The following ZNF723 variants were observed in gnomAD, a reference collection of about 807,000 sequenced individuals.
ZNF723 encodes zinc finger protein 723, also known as zinc finger protein 723, pseudogene.
A neutral mutation model predicts 9.4 loss-of-function variants in ZNF723; 5 were observed. The observed-to-expected ratio is 0.53, with a 90% confidence interval of 0.28 to 1.12. The LOEUF is 1.12. Among genes scored for constraint, ZNF723 ranks in the 50% most tolerant of loss-of-function variants. ZNF723 has a pLI of 0.10. For missense variants in ZNF723, 450 were observed against 501.5 expected (o/e 0.90, Z 0.98); for synonymous variants, 158 against 168.8 (o/e 0.94, Z 0.49).
chr19:22,825,347 ACT>A, the ZNF723 span, among the ~76,000 whole-genome samples: 3 of 152,002 alleles, frequency 2.0e-5, no homozygotes, highest in African/African-American at 7.2e-5. Context: ...GGAGATGTTG[ACT>A]CTCATAACTA....
chr19:22,857,093 A>G, intron 3 of ZNF723, 25 bp from the exon 4 acceptor site: 1 of 784,446 alleles, frequency 1.3e-6, no homozygotes, highest in South Asian at 2.3e-5. Flanking sequence ...AAGATGAAGT[A>G]ATTTGTTATT....
chr19:22,825,665 T>C, the ZNF723 span, among the ~76,000 whole-genome samples: 1 of 152,164 alleles, frequency 6.6e-6, no homozygotes, highest in Non-Finnish European at 1.5e-5. Flanking sequence ...AACACCTAGG[T>C]GATATGACTC....
intron 1 of ZNF723, among the ~76,000 whole-genome samples, chr19:22,835,679 A>G (rs1967156916): frequency 6.6e-6 from 1 of 152,178 alleles, no homozygotes; most frequent in Non-Finnish European, 1.5e-5. Flanking sequence ...GGCTGTAGAA[A>G]ATAAATACAT....
intron 1 of ZNF723, among the ~76,000 whole-genome samples, chr19:22,846,233 G>T (rs1209106894): frequency 3.3e-5 from 5 of 152,104 alleles, no homozygotes; most frequent in African/African-American, 2.4e-5. Context: ...GGGAAAAGCT[G>T]GTATCCTTAG....
At chr19:22,818,696 G>C in the ZNF723 span, among the ~76,000 whole-genome samples, 1 of 152,170 alleles carries the variant, frequency 6.6e-6, no homozygotes, top group Admixed American at 6.6e-5. Flanking sequence ...TTACTTTCCT[G>C]TATGACCCAA....
upstream of ZNF723, among the ~76,000 whole-genome samples, chr19:22,828,900 C>T (rs1359692666): frequency 1.3e-5 from 2 of 152,042 alleles, no homozygotes; most frequent in Non-Finnish European, 2.9e-5. Flanking sequence ...AGGCCAGACA[C>T]GGTGGCTCAC....
the ZNF723 span, among the ~76,000 whole-genome samples, chr19:22,820,438 C>G: frequency 4.5e-4 from 69 of 152,288 alleles, 1 homozygote; most frequent in Non-Finnish European, 8.1e-4. Flanking sequence ...TGTGACTCTT[C>G]TTCCGGGTCC....
At chr19:22,815,532 C>T in the ZNF723 span, among the ~76,000 whole-genome samples, 1 of 152,086 alleles carries the variant, frequency 6.6e-6, no homozygotes, top group Non-Finnish European at 1.5e-5. Flanking sequence ...TGGTTTCTGC[C>T]CTCAGGGAAG....
intron 3 of ZNF723, among the ~76,000 whole-genome samples, chr19:22,853,128 A>C (rs997365987): frequency 6.6e-6 from 1 of 152,100 alleles, no homozygotes; most frequent in African/African-American, 2.4e-5. Context: ...TTATATAACT[A>C]TATATATGAC....
Position 22,857,388 on chromosome 19 carries a change from G to C in ZNF723, c.497G>C (p.Arg166Thr). 2 of 837,910 alleles carry C rather than the reference G, an allele frequency of 2.4e-6. No homozygotes were observed. The highest frequency in any genetic ancestry group is 2.7e-5 in the South Asian group (2 of 74,026). The allele number at this position is 837,910 out of a possible 1,614,324, so 51.9% of individuals were successfully genotyped here. ...TCAAGTTCAAATAGCCAGAAGATAA[G>C]ACATACTGGAAATAATTCTTTCAAA... The part of the protein sequence containing the change: ...KFSSSNSQKI[R>T]HTGNNSFKCK... Residue 166 changes from arginine to threonine, a missense_variant, in exon 4 of 4, where the codon AGA (arginine) becomes ACA (threonine). Arg to Thr is a moderately conservative substitution (Grantham distance 71). This residue lies in a region of ZNF723 where 143 missense variants were observed against 101.3 expected (regional missense o/e 1.41). Transcript: ENST00000600766.
intron 1 of ZNF723, among the ~76,000 whole-genome samples, chr19:22,836,010 CTG>C (rs144189897): frequency 6.6e-6 from 1 of 152,180 alleles, no homozygotes; most frequent in East Asian, 1.9e-4. Flanking sequence ...CATATGAACA[CTG>C]TGTTTCAGTA....
intron 1 of ZNF723, among the ~76,000 whole-genome samples, chr19:22,837,157 G>C (rs748617264): frequency 1.3e-5 from 2 of 152,076 alleles, no homozygotes; most frequent in South Asian, 4.2e-4. Context: ...GCTGGGCGTG[G>C]TGGTGTGTGG....
rs1284329824 is a variant in ZNF723 at position 22,835,524 on chromosome 19, GTT to G, written c.3+3144_3+3145del. 5.9e-5 allele frequency among the ~76,000 whole-genome samples: 9 copies of G among 151,958 alleles called. No homozygotes were observed. In the South Asian group the frequency reaches 1.9e-3, roughly 32 times the overall value. On this transcript the variant is annotated intron_variant, in intron 1 of 3. Coordinates refer to ENST00000600766, the MANE Select transcript of ZNF723 (RefSeq NM_001349726.2). ...AGAGTTCGCATTTACCGTTTTTTTT[GTT>G]TGTTTGTTTTTGTTTGTTTTTCCCA...
intron 1 of ZNF723, among the ~76,000 whole-genome samples, chr19:22,842,661 G>A (rs1026294667): frequency 4.6e-5 from 7 of 152,006 alleles, no homozygotes; most frequent in African/African-American, 9.7e-5. Flanking sequence ...TTTCTTTTAG[G>A]TAGACATATC....
chr19:22,857,152 A>G lies in ZNF723; in HGVS notation c.261A>G (p.Pro87=). 1 of 1,007,844 alleles carries G rather than the reference A, an allele frequency of 9.9e-7. No homozygotes were observed. Among genetic ancestry groups the G allele is most frequent in the Non-Finnish European group, 1.5e-6 (1 of 678,190 alleles). The allele number at this position is 1,007,844 out of a possible 1,614,324, so 62.4% of individuals were successfully genotyped here. A position where few individuals can be genotyped will look rare whatever the true frequency, so the allele number is the denominator to read the frequency against. The change falls in exon 4 of 4, where the codon CCA becomes CCG. Residue 87 remains proline (P), a synonymous_variant. Transcript: ENST00000600766. ...CTCATTTTGCCCAAGACCTTTGGCC[A>G]GAGCAGGGCATAAAAGATTCTTTCC... is the stretch of plus-strand genomic sequence containing the variant. ...VCSHFAQDLW[P]EQGIKDSFQK...
chr19:22,830,759 T>C (rs752102310), upstream of ZNF723, among the ~76,000 whole-genome samples: 17 of 152,110 alleles, frequency 1.1e-4, no homozygotes, highest in Non-Finnish European at 1.2e-4. Flanking sequence ...GCAGCAATTT[T>C]TCTTTTTTTC....
chr19:22,813,972 C>T, the ZNF723 span, among the ~76,000 whole-genome samples: 2 of 151,714 alleles, frequency 1.3e-5, no homozygotes, highest in Non-Finnish European at 2.9e-5. Context: ...CCACCAAGCC[C>T]GGCTAATTTT....
chr19:22,839,320 G>A (rs116009501), intron 1 of ZNF723, among the ~76,000 whole-genome samples: 214 of 152,206 alleles, frequency 1.4e-3, no homozygotes, highest in African/African-American at 5.0e-3. Flanking sequence ...CATTTATGAG[G>A]GTGCTGGGTC....
chr19:22,834,562 T>A lies in ZNF723; in HGVS notation c.3+2180T>A, dbSNP rs139201005. On this transcript the variant is annotated intron_variant, in intron 1 of 3. Coordinates refer to ENST00000600766, the MANE Select transcript of ZNF723 (RefSeq NM_001349726.2). Reference sequence around the variant, plus strand: ...GTCTATGTCTGCTACAGTGTCTAGGTAATATCCGCTCCTGGGTCGTTTTCT... The same window carrying A: ...GTCTATGTCTGCTACAGTGTCTAGGAAATATCCGCTCCTGGGTCGTTTTCT... Among the ~76,000 whole-genome samples, 318 of 152,276 alleles carry A rather than the reference T, an allele frequency of 2.1e-3. 2 individuals carry two copies. Among genetic ancestry groups the A allele is most frequent in the African/African-American group, 6.5e-3 (270 of 41,548 alleles).
Sources: allele counts gnomAD v4.1 joint callset (sites outside exome capture counted in the v4.1 genomes callset), GRCh38; gene constraint gnomAD v4.1.1; regional missense constraint gnomAD v4.1.1; transcripts MANE v1.5; gene names NCBI Gene and HGNC (gene_info 2026-07-23, HGNC 2026-07-21).